Variants in FBXO39 observed in about 807,000 individuals in gnomAD.
FBXO39 encodes the protein F-box protein 39.
Under a neutral mutation model 36.6 loss-of-function variants are expected in FBXO39, and 22 were observed. The ratio of observed to expected loss-of-function variants is 0.60; its 90% CI spans 0.43 to 0.86. FBXO39 has a LOEUF of 0.86. Among genes scored for constraint, FBXO39 ranks in the 40% least tolerant of loss-of-function variants. The pLI is 0.00. For synonymous variants in FBXO39, 206 were observed against 205.8 expected (o/e 1.00, Z -0.01); for missense variants, 536 against 543.9 (o/e 0.99, Z 0.14).
intron 1 of FBXO39, among the ~76,000 whole-genome samples, chr17:6,778,991 T>A (rs1976468822): frequency 6.6e-6 from 1 of 152,168 alleles, no homozygotes; most frequent in African/African-American, 2.4e-5. Flanking sequence ...ACTCACCACA[T>A]GGCTTCCAGA....
intron 1 of FBXO39, among the ~76,000 whole-genome samples, chr17:6,777,968 C>T (rs1044720729): frequency 2.0e-5 from 3 of 152,016 alleles, no homozygotes; most frequent in East Asian, 1.9e-4. Context: ...AAAGTGATGG[C>T]GTAGTGAGGA....
intron 2 of FBXO39, among the ~76,000 whole-genome samples, chr17:6,781,569 C>G (rs558202575): frequency 3.3e-5 from 5 of 152,226 alleles, no homozygotes; most frequent in Non-Finnish European, 7.4e-5. Flanking sequence ...CCCACATAAA[C>G]CAAAGGTGGG....
intron 2 of FBXO39, among the ~76,000 whole-genome samples, chr17:6,784,262 C>G (rs145911708): frequency 6.6e-6 from 1 of 151,846 alleles, no homozygotes; most frequent in South Asian, 2.1e-4. Context: ...AGGAGCATAC[C>G]TCAATACAAT....
At chr17:6,777,614 G>A (rs1220886788) in intron 1 of FBXO39, among the ~76,000 whole-genome samples, 1 of 152,168 alleles carries the variant, frequency 6.6e-6, no homozygotes, top group Non-Finnish European at 1.5e-5. Flanking sequence ...GGTGAGTGCT[G>A]TGGAGATCCC....
chr17:6,777,190 C>T (rs183721465), intron 1 of FBXO39, among the ~76,000 whole-genome samples: 4 of 152,158 alleles, frequency 2.6e-5, no homozygotes, highest in Admixed American at 6.5e-5. Context: ...TTGCTGCACC[C>T]ATCAACCTGT....
chr17:6,777,856 C>T (rs972076854), intron 1 of FBXO39, among the ~76,000 whole-genome samples: 1 of 152,130 alleles, frequency 6.6e-6, no homozygotes, highest in African/African-American at 2.4e-5. Flanking sequence ...ACGTCATGGG[C>T]GGGACGGGCT....
rs12603823 is a variant in FBXO39 at position 6,783,125 on chromosome 17, A to T, written c.1023+2234A>T. On this transcript the variant is annotated intron_variant, in intron 2 of 3. Transcript: ENST00000321535. ...AAATTAATAACGAGAAACTTTGGAA[A>T]TTATATGAAGACATGGAAATTAAAC... is the stretch of plus-strand genomic sequence containing the variant. Among the ~76,000 whole-genome samples, 1,313 of 152,288 alleles carry T rather than the reference A, an allele frequency of 8.6e-3. 20 individuals are homozygous for T. The highest frequency in any genetic ancestry group is 0.067 in the East Asian group (350 of 5,188).
At chr17:6,787,185 C>CTCGGTGGTCGCCGTATCATTAAAAAA in intron 3 of FBXO39, 115 bp from the exon 4 acceptor site, 1 of 1,474,594 alleles carries the variant, frequency 6.8e-7, no homozygotes, top group Non-Finnish European at 9.1e-7. Flanking sequence ...ATGTGTAGAT[C>CTCGGTGGTCGCCGTATCATTAAAAAA]ATTTAAGTTG....
chr17:6,787,612 TC>T lies in FBXO39; in HGVS notation c.*186del. 1 of 575,098 alleles carries T rather than the reference TC, an allele frequency of 1.7e-6. No individual in the cohort carries two copies. Among genetic ancestry groups the T allele is most frequent in the Non-Finnish European group, 3.0e-6 (1 of 338,220 alleles). 35.6% of individuals were successfully genotyped at this position (575,098 alleles called of 1,614,324 possible). Reference sequence around the variant, plus strand: ...CTGAGACTGCCCATGACCTGAAGGCTCCAGGTGGCTTTAAAGCGCTATGTTT... The same window carrying T: ...CTGAGACTGCCCATGACCTGAAGGCTCAGGTGGCTTTAAAGCGCTATGTTT... On this transcript the variant is annotated 3_prime_UTR_variant, in exon 4 of 4. Coordinates refer to ENST00000321535, the MANE Select transcript of FBXO39 (RefSeq NM_153230.3).
At chr17:6,781,693 C>G (rs1430585192) in intron 2 of FBXO39, among the ~76,000 whole-genome samples, 1 of 152,130 alleles carries the variant, frequency 6.6e-6, no homozygotes, top group African/African-American at 2.4e-5. Context: ...ACCTTGTATA[C>G]TCCAAGTACA....
At chr17:6,781,012 T>A in intron 2 of FBXO39, 121 bp downstream of exon 2, 1 of 1,114,642 alleles carries the variant, frequency 9.0e-7, no homozygotes, top group Non-Finnish European at 1.3e-6. Context: ...ATTGAAGTTC[T>A]AGGAAATACC....
Position 6,780,834 on chromosome 17 carries a change from C to T in FBXO39, c.966C>T (p.Asp322=). 6.2e-7 allele frequency: 1 copy of T among 1,614,072 alleles called. No homozygotes were observed. Among genetic ancestry groups the T allele is most frequent in the South Asian group, 1.1e-5 (1 of 91,088 alleles). The change falls in exon 2 of 4, where the codon GAC becomes GAT. Residue 322 remains aspartate, a synonymous_variant. Transcript: ENST00000321535. ...SLRSCYFSDP[D]CSMRPTLIDL... ...GAAGCTGCTATTTCAGTGACCCAGA[C>T]TGTTCAATGAGACCCACTCTGATAG...
rs1313747509 is a variant in FBXO39, at chr17:6,787,627, A to AGCGCTATG, written c.*200_*207dup. 6.1e-6 allele frequency: 3 copies of AGCGCTATG among 493,326 alleles called. No individual in the cohort carries two copies. Among genetic ancestry groups the AGCGCTATG allele is most frequent in the Non-Finnish European group, 1.1e-5 (3 of 280,294 alleles). 30.6% of individuals were successfully genotyped at this position (493,326 alleles called of 1,614,324 possible). On this transcript the variant is annotated 3_prime_UTR_variant, in exon 4 of 4. Transcript: ENST00000321535. ...ACCTGAAGGCTCCAGGTGGCTTTAA[A>AGCGCTATG]GCGCTATGTTTACCAACTATCCCGG...
intron 2 of FBXO39, among the ~76,000 whole-genome samples, chr17:6,783,518 A>G (rs980894400): frequency 1.3e-5 from 2 of 152,008 alleles, no homozygotes; most frequent in African/African-American, 2.4e-5. Flanking sequence ...CAAAAATAAG[A>G]AAAAATGAGA....
chr17:6,779,753 T>A, intron 1 of FBXO39, 36 bp from the exon 2 acceptor site: 1 of 1,116,998 alleles, frequency 9.0e-7, no homozygotes, highest in Non-Finnish European at 1.3e-6. Flanking sequence ...AATCTCTGTT[T>A]GACAGGTAAT....
In FBXO39 at chr17:6,786,765, T is replaced by C; in HGVS notation, c.1024-15T>C. ...TCTCTGCCCACACACATCTTCCCTTTTGGTGCTCTTCCAGAAATTAACTTG... is the reference window on the plus strand; with the variant it reads ...TCTCTGCCCACACACATCTTCCCTTCTGGTGCTCTTCCAGAAATTAACTTG... On this transcript the variant is annotated splice_polypyrimidine_tract_variant and intron_variant, in intron 2 of 3. Transcript: ENST00000321535. 6.3e-7 allele frequency: 1 copy of C among 1,588,342 alleles called. No homozygotes were observed. Among genetic ancestry groups the C allele is most frequent in the East Asian group, 2.2e-5 (1 of 44,666 alleles).
Position 6,779,812 on chromosome 17 carries a change from C to T in FBXO39, c.-57C>T, listed in dbSNP as rs866162711. On this transcript the variant is annotated 5_prime_UTR_variant, in exon 2 of 4. Coordinates refer to ENST00000321535, the MANE Select transcript of FBXO39 (RefSeq NM_153230.3). ...AGAAAGCAAGTGATTGCTTTCCTTTCCTCATTTTTGGAAGCCCTGCCTAAC... is the reference window on the plus strand; with the variant it reads ...AGAAAGCAAGTGATTGCTTTCCTTTTCTCATTTTTGGAAGCCCTGCCTAAC... The T allele has an allele frequency of 1.3e-6, 2 of 1,533,720 alleles. No homozygotes were observed. The highest frequency in any genetic ancestry group is 2.3e-5 in the East Asian group (1 of 44,088).
chr17:6,778,153 T>C lies in FBXO39; in HGVS notation c.-80-1636T>C, dbSNP rs554868508. Among the ~76,000 whole-genome samples, 2 of 152,040 alleles carry C rather than the reference T, an allele frequency of 1.3e-5. 1 individual carries two copies. Among genetic ancestry groups the C allele is most frequent in the African/African-American group, 4.8e-5 (2 of 41,392 alleles). On this transcript the variant is annotated intron_variant, in intron 1 of 3. Coordinates refer to ENST00000321535, the MANE Select transcript of FBXO39 (RefSeq NM_153230.3). ...CTATTCAGCTGCTAGACGCAATGGG[T>C]GAAATGTACACAGAGCCACAGGAAT... is the stretch of plus-strand genomic sequence containing the variant.
chr17:6,785,694 T>C (rs112730276), intron 2 of FBXO39, among the ~76,000 whole-genome samples: 9,671 of 152,028 alleles, frequency 0.064, 979 homozygotes, highest in African/African-American at 0.21. Flanking sequence ...GGCAAAAGAC[T>C]TGAACAGATA....
Sources: gnomAD v4.1 joint callset for allele counts (sites outside exome capture counted in the v4.1 genomes callset) on GRCh38, gnomAD v4.1.1 for gene constraint, MANE v1.5 for transcripts, NCBI Gene and HGNC (gene_info 2026-07-23, HGNC 2026-07-21) for gene names.